Variants in MBTPS1 observed in about 807,000 individuals in gnomAD.
The protein encoded by MBTPS1 is membrane-bound transcription factor site-1 protease.
Under a neutral mutation model 127.8 loss-of-function variants are expected in MBTPS1, and 94 were observed. That is an observed-to-expected ratio of 0.74 (90% CI 0.62 to 0.87). The LOEUF is 0.87. Ranked by LOEUF, MBTPS1 falls within the 40% of genes least tolerant of loss-of-function variation. The pLI, the probability that MBTPS1 is intolerant of heterozygous loss-of-function variation, is 0.00. For synonymous variants in MBTPS1, 632 were observed against 509.4 expected (o/e 1.24, Z -3.24); for missense variants, 1,636 against 1,353.2 (o/e 1.21, Z -3.28).
intron 3 of MBTPS1, 80 bp downstream of exon 3, chr16:84,098,973 A>G (rs2086216553): frequency 1.5e-6 from 2 of 1,305,482 alleles, no homozygotes; most frequent in South Asian, 1.3e-5. Flanking sequence ...TACTCACTGT[A>G]CTATTTTTCA....
At chr16:84,097,979 G>C (rs948746470) in intron 3 of MBTPS1, among the ~76,000 whole-genome samples, 1 of 151,846 alleles carries the variant, frequency 6.6e-6, no homozygotes, top group Non-Finnish European at 1.5e-5. Flanking sequence ...TGAAAGAAAT[G>C]ATCGTAAATA....
At chr16:84,057,552 C>A (rs2085540182) in intron 21 of MBTPS1, 1 of 152,228 alleles carries the variant, frequency 6.6e-6, no homozygotes, top group African/African-American at 2.4e-5. Context: ...GGTATGGGCA[C>A]CTGATGCCAA....
chr16:84,066,609 A>G lies in MBTPS1; in HGVS notation c.2233T>C (p.Trp745Arg), dbSNP rs771196358. The G allele has an allele frequency of 6.2e-7, 1 of 1,614,030 alleles. No individual in the cohort carries two copies. The highest frequency in any genetic ancestry group is 1.1e-5 in the South Asian group (1 of 91,076). Reference protein sequence around the residue: ...VKFYDENTRQWWMPDTGGANI... With the variant: ...VKFYDENTRQRWMPDTGGANI... ...GCTCCTCCGGTATCCGGCATCCACC[A>G]CTGCCTGGGAAAGTGGTAACAGACA... The change falls in exon 17 of 23, where the codon TGG becomes CGG. Residue 745 changes from tryptophan (W) to arginine (R), a missense_variant. By Grantham distance (101) the Trp-to-Arg change is moderately radical. Transcript: ENST00000343411.
chr16:84,064,961 G>A (rs970058749), intron 18 of MBTPS1, among the ~76,000 whole-genome samples: 2 of 152,284 alleles, frequency 1.3e-5, no homozygotes, highest in South Asian at 4.1e-4. Context: ...CTTTAGAAGG[G>A]AGGGGGCCTC....
intron 14 of MBTPS1, among the ~76,000 whole-genome samples, chr16:84,069,067 C>T (rs545820796): frequency 6.6e-6 from 1 of 152,342 alleles, no homozygotes; most frequent in South Asian, 2.1e-4. Flanking sequence ...CCTGTCTACC[C>T]GTCTCTGGTC....
rs779756830 is a variant in MBTPS1 at position 84,099,063 on chromosome 16, C to G, written c.411G>C (p.Lys137Asn). 6.2e-7 allele frequency: 1 copy of G among 1,614,056 alleles called. No individual in the cohort carries two copies. Residue 137 changes from lysine (K) to asparagine (N), a missense_variant, in exon 3 of 23, where the codon AAG becomes AAC. Transcript: ENST00000343411. ...TPQRKVFRSL[K>N]YAESDPTVPC... ...AGTCACAATACTCACATTCAGCATA[C>G]TTGAGGGAACGAAAGACTTTTCGTT...
intron 19 of MBTPS1, 22 bp downstream of exon 19, chr16:84,063,283 A>C: frequency 6.3e-7 from 1 of 1,596,356 alleles, no homozygotes; most frequent in Non-Finnish European, 8.6e-7. Flanking sequence ...GAAGTCACAA[A>C]GTCCATCTGC....
At chr16:84,062,450 T>A (rs1385138917) in intron 19 of MBTPS1, among the ~76,000 whole-genome samples, 2 of 152,112 alleles carry the variant, frequency 1.3e-5, no homozygotes, top group Admixed American at 6.5e-5. Flanking sequence ...CCCATCCCAG[T>A]CTAGGGATTT....
intron 12 of MBTPS1, among the ~76,000 whole-genome samples, chr16:84,072,570 T>C (rs561136273): frequency 1.3e-4 from 20 of 151,748 alleles, no homozygotes; most frequent in African/African-American, 4.4e-4. Flanking sequence ...GGCGGGAGGG[T>C]CATGAGGTGA....
At chr16:84,089,857 G>C (rs2086079458) in intron 8 of MBTPS1, among the ~76,000 whole-genome samples, 1 of 152,224 alleles carries the variant, frequency 6.6e-6, no homozygotes, top group Admixed American at 6.5e-5. Context: ...GGGGACATCA[G>C]AAATGGGAGG....
chr16:84,070,171 G>C, intron 13 of MBTPS1, 133 bp from the exon 14 acceptor site: 4 of 748,676 alleles, frequency 5.3e-6, no homozygotes. Context: ...ACAAATGTCT[G>C]ATGAAAGATT....
At chr16:84,102,263 C>T (rs1226818134) in intron 1 of MBTPS1, among the ~76,000 whole-genome samples, 156 bp from the exon 2 acceptor site, 3 of 152,124 alleles carry the variant, frequency 2.0e-5, no homozygotes, top group African/African-American at 2.4e-5. Flanking sequence ...GGGAAGATCA[C>T]TTGAGCCCAG....
rs201746165 is a variant in MBTPS1, at chr16:84,101,687, C to A, written c.97G>T (p.Ala33Ser). ...DRLEKKSFEK[A>S]PCPGCSHLTL... ...AGGTGGGAACAGCCAGGGCATGGGG[C>A]CTTTTCAAAAGATTTCTTTTCCAGT... The change falls in exon 2 of 23, where the codon GCC becomes TCC. Residue 33 changes from alanine (A) to serine (S), a missense_variant. By Grantham distance (99) the Ala-to-Ser change is moderately conservative. Coordinates refer to ENST00000343411, the MANE Select transcript of MBTPS1 (RefSeq NM_003791.4). 6 of 1,614,116 alleles carry A rather than the reference C, an allele frequency of 3.7e-6. No individual in the cohort carries two copies. In the Admixed American group the frequency reaches 6.7e-5, roughly 18 times the overall value.
At chr16:84,113,996 C>T (rs1221673640) in intron 1 of MBTPS1, among the ~76,000 whole-genome samples, 2 of 144,784 alleles carry the variant, frequency 1.4e-5, no homozygotes, top group Admixed American at 7.2e-5. Context: ...GACGGAGTCT[C>T]GCTCTGCCGC....
rs1338869771 is a variant in MBTPS1 at position 84,077,354 on chromosome 16, A to G, written c.1449-2613T>C. 3.9e-5 allele frequency among the ~76,000 whole-genome samples: 6 copies of G among 152,176 alleles called. No homozygotes were observed. The East Asian group carries it at 1.2e-3, about 29-fold the overall frequency. ...ACTAACAGATATTAAAACATGCTAT[A>G]AAGTCTTTATAATCAAAACAGTGTG... On this transcript the variant is annotated intron_variant, in intron 11 of 22. Transcript: ENST00000343411.
rs577681296 is a variant in MBTPS1 at position 84,103,502 on chromosome 16, T to C, written c.-324-1395A>G. ...CTCAAACTCAGGTGATCCAGCCACC[T>C]TGGCCTCCCAAAGTGTTGAGATTAC... On this transcript the variant is annotated intron_variant, in intron 1 of 22. Coordinates refer to ENST00000343411, the MANE Select transcript of MBTPS1 (RefSeq NM_003791.4). Among the ~76,000 whole-genome samples the C allele has an allele frequency of 4.6e-5, 7 of 152,278 alleles. No individual in the cohort carries two copies. The South Asian group carries it at 8.3e-4, about 18-fold the overall frequency.
intron 1 of MBTPS1, among the ~76,000 whole-genome samples, chr16:84,111,900 C>CA (rs36019183): frequency 0.021 from 2,910 of 139,896 alleles, 38 homozygotes; most frequent in South Asian, 0.035. Context: ...TGTCTATGAG[C>CA]AAAAAAAAAA....
intron 11 of MBTPS1, chr16:84,075,323 G>A (rs975465678): frequency 1.3e-5 from 2 of 152,288 alleles, no homozygotes; most frequent in Admixed American, 1.3e-4. Context: ...GAGCCTGGGA[G>A]AGGTGCTGGG....
intron 7 of MBTPS1, among the ~76,000 whole-genome samples, 155 bp from the exon 8 acceptor site, chr16:84,091,097 T>TA (rs1229507360): frequency 6.6e-5 from 10 of 152,008 alleles, no homozygotes; most frequent in Non-Finnish European, 1.5e-4. Context: ...CTTGCATTTT[T>TA]AGAGGATACC....
Sources: allele counts gnomAD v4.1 joint callset (sites outside exome capture counted in the v4.1 genomes callset), GRCh38; gene constraint gnomAD v4.1.1; transcripts MANE v1.5; gene names NCBI Gene and HGNC (gene_info 2026-07-23, HGNC 2026-07-21).